HTR1F: variants seen among roughly 807,000 people sequenced by gnomAD.
HTR1F encodes the protein 5-hydroxytryptamine (serotonin) receptor 1F, G protein-coupled.
Under a neutral mutation model 24.0 loss-of-function variants are expected in HTR1F, and 17 were observed. The observed-to-expected ratio is 0.71, with a 90% CI of 0.48 to 1.06. The LOEUF (loss-of-function observed/expected upper bound fraction) is 1.06, where lower values mean the gene tolerates loss of function less well. Among genes scored for constraint, HTR1F ranks in the 50% least tolerant of loss-of-function variants. HTR1F has a pLI of 0.00. For synonymous variants in HTR1F, 186 were observed against 156.8 expected (o/e 1.19, Z -1.39); for missense variants, 391 against 427.8 (o/e 0.91, Z 0.76).
intron 2 of HTR1F, among the ~76,000 whole-genome samples, chr3:87,874,539 T>C (rs1705627828): frequency 6.6e-6 from 1 of 151,996 alleles, no homozygotes; most frequent in African/African-American, 2.4e-5. Context: ...TTAAAAGATT[T>C]ATTAATATTG....
At chr3:87,969,673 A>G (rs932483828) in intron 2 of HTR1F, among the ~76,000 whole-genome samples, 1 of 152,098 alleles carries the variant, frequency 6.6e-6, no homozygotes. Flanking sequence ...TGGACTTTTG[A>G]GTTAATGCTG....
intron 1 of HTR1F, among the ~76,000 whole-genome samples, chr3:87,794,022 C>T (rs1339291798): frequency 1.3e-5 from 2 of 148,896 alleles, no homozygotes; most frequent in Admixed American, 1.3e-4. Flanking sequence ...AATTTTAAAA[C>T]GGGTTTCGCT....
intron 2 of HTR1F, among the ~76,000 whole-genome samples, chr3:87,866,815 C>CAT (rs1553668450): frequency 1.0e-5 from 1 of 99,064 alleles, no homozygotes; most frequent in Non-Finnish European, 1.8e-5. Context: ...CACAAGTGTG[C>CAT]GTGCGTGTGT....
chr3:87,889,597 G>A (rs1419576359), intron 2 of HTR1F, among the ~76,000 whole-genome samples: 1 of 152,122 alleles, frequency 6.6e-6, no homozygotes, highest in Non-Finnish European at 1.5e-5. Context: ...GATGCTACAA[G>A]GAAAATGTTA....
intron 2 of HTR1F, among the ~76,000 whole-genome samples, chr3:87,838,922 G>A (rs1348039011): frequency 6.6e-6 from 1 of 150,780 alleles, no homozygotes; most frequent in Non-Finnish European, 1.5e-5. Flanking sequence ...GATATTAATT[G>A]CTTACCTGCT....
chr3:87,991,168 C>T lies in HTR1F; in HGVS notation c.419C>T (p.Ala140Val). The change falls in exon 3 of 3, where the codon GCT becomes GTT. Residue 140 changes from alanine (A) to valine (V), a missense_variant. Ala to Val is a moderately conservative substitution (Grantham distance 64). Transcript: ENST00000319595. ...GCCAGGAAAAGGACTCCAAAGCATG[C>T]TGGCATTATGATTACAATAGTTTGG... ...EYARKRTPKH[A>V]GIMITIVWII... 1.2e-6 allele frequency: 2 copies of T among 1,613,972 alleles called. No individual in the cohort carries two copies. Among genetic ancestry groups the T allele is most frequent in the Non-Finnish European group, 1.7e-6 (2 of 1,179,968 alleles).
rs187787335 is a variant in HTR1F at position 87,951,157 on chromosome 3, T to A, written c.-42-39551T>A. On this transcript the variant is annotated intron_variant, in intron 2 of 2. Transcript: ENST00000319595. ...CCACTCCAATACTGCTAAGTGCAAGTGGATTCAGGTTATACATGATCTCTG... is the reference window on the plus strand; with the variant it reads ...CCACTCCAATACTGCTAAGTGCAAGAGGATTCAGGTTATACATGATCTCTG... 3.4e-4 allele frequency among the ~76,000 whole-genome samples: 52 copies of A among 152,288 alleles called. No individual in the cohort carries two copies. The East Asian group carries it at 9.6e-3, about 28-fold the overall frequency.
chr3:87,945,892 G>A (rs1704688112), intron 2 of HTR1F, among the ~76,000 whole-genome samples: 1 of 152,134 alleles, frequency 6.6e-6, no homozygotes. Context: ...CTCCCAAGAT[G>A]GTGGCGGGCT....
chr3:87,827,437 C>A (rs1704488423), intron 2 of HTR1F, among the ~76,000 whole-genome samples: 1 of 152,060 alleles, frequency 6.6e-6, no homozygotes, highest in Admixed American at 6.6e-5. Flanking sequence ...CATTTTGTAT[C>A]CTGTGTCATA....
intron 2 of HTR1F, among the ~76,000 whole-genome samples, chr3:87,927,670 T>C (rs2107394941): frequency 6.6e-6 from 1 of 152,324 alleles, no homozygotes; most frequent in Middle Eastern, 3.4e-3. Flanking sequence ...TCTAATCATT[T>C]GTACCACCTC....
intron 2 of HTR1F, among the ~76,000 whole-genome samples, chr3:87,872,105 A>T (rs1705571011): frequency 6.6e-6 from 1 of 152,148 alleles, no homozygotes. Context: ...CAAAAGAAAC[A>T]TTGTAAAATA....
chr3:87,794,186 C>T (rs564505925), intron 1 of HTR1F, among the ~76,000 whole-genome samples: 1 of 152,256 alleles, frequency 6.6e-6, no homozygotes, highest in African/African-American at 2.4e-5. Flanking sequence ...AGGGTATCCA[C>T]GCAGAAGCAA....
At chr3:87,954,416 C>T in intron 2 of HTR1F, among the ~76,000 whole-genome samples, 1 of 151,708 alleles carries the variant, frequency 6.6e-6, no homozygotes, top group East Asian at 1.9e-4. Flanking sequence ...ACTGCTTCTG[C>T]AATAAATATA....
intron 2 of HTR1F, among the ~76,000 whole-genome samples, chr3:87,829,067 A>G (rs1704521233): frequency 1.3e-5 from 2 of 152,130 alleles, no homozygotes. Flanking sequence ...AGTTAAAAAA[A>G]AAAGATCTGT....
At chr3:87,956,414 A>G (rs560787178) in intron 2 of HTR1F, among the ~76,000 whole-genome samples, 7 of 151,492 alleles carry the variant, frequency 4.6e-5, no homozygotes, top group African/African-American at 1.7e-4. Context: ...TGTCTGTATT[A>G]TAACTTTAGA....
Position 87,991,859 on chromosome 3 carries a change from A to G in HTR1F, c.*9A>G. The G allele has an allele frequency of 6.5e-7, 1 of 1,544,558 alleles. No homozygotes were observed. Among genetic ancestry groups the G allele is most frequent in the South Asian group, 1.3e-5 (1 of 78,474 alleles). On this transcript the variant is annotated 3_prime_UTR_variant, in exon 3 of 3. Coordinates refer to ENST00000319595, the MANE Select transcript of HTR1F (RefSeq NM_001322209.2). ...TGCGATGTCGATGTTAGTTTTAAAA[A>G]TGTTTATTATTGAAGGATGGGGGTT...
At chr3:87,834,362 A>G (rs2107160875) in intron 2 of HTR1F, among the ~76,000 whole-genome samples, 1 of 152,292 alleles carries the variant, frequency 6.6e-6, no homozygotes, top group South Asian at 2.1e-4. Context: ...TATAAATGTG[A>G]ATATATACAT....
chr3:87,855,369 C>A (rs1387826420), intron 2 of HTR1F, among the ~76,000 whole-genome samples: 1 of 152,046 alleles, frequency 6.6e-6, no homozygotes, highest in African/African-American at 2.4e-5. Context: ...ATGGATCAAG[C>A]TCTTCCTAGA....
chr3:87,917,805 TACCA>T (rs1703928375), intron 2 of HTR1F, among the ~76,000 whole-genome samples: 1 of 151,912 alleles, frequency 6.6e-6, no homozygotes, highest in South Asian at 2.1e-4. Context: ...GATAAATTGG[TACCA>T]ATCCTATTGA....
Sources: allele counts gnomAD v4.1 joint callset (sites outside exome capture counted in the v4.1 genomes callset), GRCh38; gene constraint gnomAD v4.1.1; transcripts MANE v1.5; gene names NCBI Gene and HGNC (gene_info 2026-07-23, HGNC 2026-07-21).